Variants in UBR3 observed in about 807,000 individuals in gnomAD.
The protein encoded by UBR3 is ubiquitin protein ligase E3 component n-recognin 3, also known as E3 ubiquitin-protein ligase UBR3.
Under a neutral mutation model 243.2 loss-of-function variants are expected in UBR3, and 85 were observed. The ratio of observed to expected loss-of-function variants is 0.35; its 90% CI spans 0.29 to 0.42. UBR3 has a LOEUF of 0.42. UBR3 is among the 10% of genes least tolerant of loss of function. UBR3 has a pLI of 1.00. For synonymous variants in UBR3, 748 were observed against 799.8 expected (o/e 0.94, Z 1.09); for missense variants, 1,686 against 2,300.8 (o/e 0.73, Z 5.47).
At chr2:170,042,203 T>C (rs1250426987) in intron 32 of UBR3, among the ~76,000 whole-genome samples, 2 of 152,220 alleles carry the variant, frequency 1.3e-5, no homozygotes, top group Admixed American at 6.5e-5. Flanking sequence ...GGATATTTTG[T>C]ATTAATGATA....
intron 1 of UBR3, among the ~76,000 whole-genome samples, chr2:169,844,001 T>C (rs1338379515): frequency 7.0e-6 from 1 of 142,894 alleles, no homozygotes; most frequent in Non-Finnish European, 1.5e-5. Flanking sequence ...TTCTTTTTTC[T>C]CTTTACTTTT....
intron 24 of UBR3, among the ~76,000 whole-genome samples, chr2:169,960,236 CAAA>C (rs11461641): frequency 3.0e-4 from 19 of 63,982 alleles, no homozygotes; most frequent in Admixed American, 4.8e-4. Flanking sequence ...GTGACAAGAG[CAAA>C]AAAAAAAAAA....
intron 35 of UBR3, among the ~76,000 whole-genome samples, chr2:170,070,211 A>G (rs900469323): frequency 2.0e-5 from 3 of 152,166 alleles, no homozygotes; most frequent in Admixed American, 2.0e-4. Flanking sequence ...AAAGTCAATT[A>G]ATTTAGTTCA....
chr2:170,015,892 T>C (rs2090222304), intron 30 of UBR3, among the ~76,000 whole-genome samples: 1 of 151,898 alleles, frequency 6.6e-6, no homozygotes, highest in African/African-American at 2.4e-5. Context: ...GTGTAATTTG[T>C]AATTTAAAGT....
chr2:169,847,972 T>C (rs900793307), intron 1 of UBR3, among the ~76,000 whole-genome samples: 1 of 152,250 alleles, frequency 6.6e-6, no homozygotes, highest in Non-Finnish European at 1.5e-5. Flanking sequence ...TTTAGTACTC[T>C]GTCCTATAAG....
intron 1 of UBR3, among the ~76,000 whole-genome samples, chr2:169,837,493 A>G (rs929439706): frequency 6.6e-5 from 10 of 152,366 alleles, no homozygotes; most frequent in African/African-American, 2.4e-4. Context: ...AAAAGGAAAA[A>G]GAACGGCTGG....
Position 169,926,889 on chromosome 2 carries a change from A to G in UBR3, c.2256A>G (p.Val752=). The G allele has an allele frequency of 6.4e-7, 1 of 1,551,000 alleles. No individual in the cohort carries two copies. The highest frequency in any genetic ancestry group is 1.2e-5 in the South Asian group (1 of 83,974). The change falls in exon 16 of 39, where the codon GTA becomes GTG. Residue 752 remains valine (V), a synonymous_variant. Transcript: ENST00000272793. ...TGGCATCACAACATCAAAATACAGTACTTGATGCAGAGCATGAGAGGTCGA... is the reference window on the plus strand; with the variant it reads ...TGGCATCACAACATCAAAATACAGTGCTTGATGCAGAGCATGAGAGGTCGA... ...LTMASQHQNT[V]LDAEHERSML...
At position 169,893,261 on chromosome 2, in the gene UBR3, G is replaced by T. The variant is rs538548646; in HGVS notation, c.1106-1920G>T. Reference sequence around the variant, plus strand: ...TTTTAGCAGAAGCCACAGCTTTCCTGGTATATTCAGGTTGTTTAATTGATT... The same window carrying T: ...TTTTAGCAGAAGCCACAGCTTTCCTTGTATATTCAGGTTGTTTAATTGATT... On this transcript the variant is annotated intron_variant, in intron 6 of 38. Coordinates refer to ENST00000272793, the MANE Select transcript of UBR3 (RefSeq NM_172070.4). 4.1e-4 allele frequency among the ~76,000 whole-genome samples: 63 copies of T among 152,166 alleles called. 1 individual carries two copies. The highest frequency in any genetic ancestry group is 1.4e-3 in the African/African-American group (57 of 41,522).
At chr2:169,860,929 G>T (rs1480483931) in intron 1 of UBR3, among the ~76,000 whole-genome samples, 1 of 152,112 alleles carries the variant, frequency 6.6e-6, no homozygotes, top group Non-Finnish European at 1.5e-5. Context: ...GTGGCCACAG[G>T]CCCGAGAGCC....
At chr2:169,982,631 C>T (rs2105384932) in intron 24 of UBR3, among the ~76,000 whole-genome samples, 1 of 151,624 alleles carries the variant, frequency 6.6e-6, no homozygotes. Flanking sequence ...TTTTTTAATT[C>T]CTTAGACTAG....
At chr2:169,831,510 A>G (rs1482692600) in intron 1 of UBR3, among the ~76,000 whole-genome samples, 1 of 152,128 alleles carries the variant, frequency 6.6e-6, no homozygotes, top group Non-Finnish European at 1.5e-5. Flanking sequence ...TATTGCCTGT[A>G]TGTGTCAGCA....
At chr2:169,922,050 G>A (rs1278860961) in intron 11 of UBR3, among the ~76,000 whole-genome samples, 2 of 152,000 alleles carry the variant, frequency 1.3e-5, no homozygotes, top group East Asian at 1.9e-4. Flanking sequence ...CCTTTGGGAG[G>A]CTGAGGCGGG....
At chr2:169,869,010 A>G (rs770327021) in intron 1 of UBR3, among the ~76,000 whole-genome samples, 5 of 151,478 alleles carry the variant, frequency 3.3e-5, no homozygotes, top group Non-Finnish European at 5.9e-5. Context: ...CCATTTGTCT[A>G]TTTCCTTTTT....
intron 2 of UBR3, among the ~76,000 whole-genome samples, chr2:169,874,799 C>T (rs1318962890): frequency 1.3e-5 from 2 of 152,150 alleles, no homozygotes; most frequent in African/African-American, 4.8e-5. Context: ...ATGAAATGGA[C>T]ATCCCCTTTC....
chr2:169,959,705 C>G (rs1017360558), intron 24 of UBR3, among the ~76,000 whole-genome samples: 2 of 152,114 alleles, frequency 1.3e-5, no homozygotes, highest in Non-Finnish European at 1.5e-5. Flanking sequence ...TACCATAGTT[C>G]ATTCCAAGTC....
intron 24 of UBR3, among the ~76,000 whole-genome samples, chr2:169,970,165 A>G (rs879816614): frequency 5.5e-5 from 8 of 146,334 alleles, no homozygotes; most frequent in Non-Finnish European, 7.5e-5. Flanking sequence ...GATGACTTCA[A>G]TTTCTTTCAT....
intron 36 of UBR3, among the ~76,000 whole-genome samples, chr2:170,074,981 G>A (rs1196040243): frequency 6.6e-6 from 1 of 152,064 alleles, no homozygotes; most frequent in Non-Finnish European, 1.5e-5. Flanking sequence ...CGTATTAAAG[G>A]GGAGCCAAGT....
At chr2:169,987,420 C>T (rs796456177) in intron 25 of UBR3, among the ~76,000 whole-genome samples, 2 of 140,758 alleles carry the variant, frequency 1.4e-5, no homozygotes, top group Non-Finnish European at 1.6e-5. Flanking sequence ...AAAAAAAAAA[C>T]AAAAACAATT....
chr2:169,828,324 C>T (rs997787540), intron 1 of UBR3, among the ~76,000 whole-genome samples: 1 of 151,972 alleles, frequency 6.6e-6, no homozygotes, highest in African/African-American at 2.4e-5. Context: ...AGAAAAGAGC[C>T]AGTGTATGGG....
Sources: allele counts gnomAD v4.1 joint callset (sites outside exome capture counted in the v4.1 genomes callset), GRCh38; gene constraint gnomAD v4.1.1; transcripts MANE v1.5; gene names NCBI Gene and HGNC (gene_info 2026-07-23, HGNC 2026-07-21).